Variants in VIPAS39 observed in about 807,000 individuals in gnomAD.
VIPAS39 encodes the protein spermatogenesis-defective protein 39 homolog.
A neutral mutation model predicts 84.7 loss-of-function variants in VIPAS39; 63 were observed. The observed-to-expected ratio is 0.74, with a 90% CI of 0.61 to 0.92. The LOEUF (loss-of-function observed/expected upper bound fraction) is 0.92. VIPAS39 is among the 40% of genes least tolerant of loss of function. The pLI is 0.00. For missense variants in VIPAS39, 499 were observed against 604.5 expected (o/e 0.83, Z 1.83); for synonymous variants, 192 against 216.5 (o/e 0.89, Z 0.99).
intron 16 of VIPAS39, among the ~76,000 whole-genome samples, chr14:77,432,689 T>C (rs894364685): frequency 4.6e-5 from 7 of 152,126 alleles, no homozygotes; most frequent in Non-Finnish European, 1.5e-5. Context: ...AACCTCATGA[T>C]CTCACTCATG....
In VIPAS39 at chr14:77,457,457, G is replaced by A. The variant is rs145506107; in HGVS notation, c.-1+38C>T. 3.4e-6 allele frequency: 5 copies of A among 1,490,094 alleles called. No individual in the cohort carries two copies. In the Admixed American group the frequency reaches 7.9e-5, roughly 23 times the overall value. The allele number at this position is 1,490,094 out of a possible 1,614,324, so 92.3% of individuals were successfully genotyped here. A position where few individuals can be genotyped will look rare whatever the true frequency, so the allele number is the denominator to read the frequency against. On this transcript the variant is annotated intron_variant, in intron 1 of 19. Transcript: ENST00000557658. ...TCAAGATGCGGAGAGGCTGGATCCA[G>A]CCAGATACGCGACCCAAGGGGCTTG...
chr14:77,454,311 A>G (rs1335825036), intron 1 of VIPAS39, among the ~76,000 whole-genome samples: 1 of 152,164 alleles, frequency 6.6e-6, no homozygotes, highest in Non-Finnish European at 1.5e-5. Context: ...AATTACCCAT[A>G]AGTAGTCATC....
intron 11 of VIPAS39, chr14:77,440,629 A>C (rs2078686862): frequency 1.2e-5 from 2 of 167,296 alleles, no homozygotes; most frequent in African/African-American, 4.7e-5. Context: ...TTAAGTTTTC[A>C]GGTTTTCCAG....
chr14:77,443,575 CCT>C (rs933623002), intron 8 of VIPAS39, among the ~76,000 whole-genome samples: 1 of 151,876 alleles, frequency 6.6e-6, no homozygotes, highest in Non-Finnish European at 1.5e-5. Context: ...ATAGCAAGAC[CCT>C]GTCTCTACAA....
chr14:77,435,759 C>T lies in VIPAS39; in HGVS notation c.912+85G>A, dbSNP rs188584548. The T allele has an allele frequency of 1.5e-4, 207 of 1,423,602 alleles. 1 individual carries two copies. In the African/African-American group the frequency reaches 1.9e-3, roughly 13 times the overall value. 88.2% of individuals were successfully genotyped at this position (1,423,602 alleles called of 1,614,324 possible). On this transcript the variant is annotated intron_variant, in intron 13 of 19. Coordinates refer to ENST00000557658, the MANE Select transcript of VIPAS39 (RefSeq NM_001193315.2). ...TTAGAAACCAGTAAGAAATGACCCA[C>T]GTGCAGAGCATAGAAATCTCCTAGA...
intron 2 of VIPAS39, among the ~76,000 whole-genome samples, chr14:77,453,797 G>A (rs1390669267): frequency 6.6e-6 from 1 of 151,904 alleles, no homozygotes; most frequent in African/African-American, 2.4e-5. Context: ...AAAAGACTTG[G>A]GGTTCTTCAA....
At chr14:77,429,551 C>CT (rs1338051535) in intron 17 of VIPAS39, 130 bp downstream of exon 17, 1 of 942,762 alleles carries the variant, frequency 1.1e-6, no homozygotes, top group Non-Finnish European at 1.7e-6. Context: ...GTCTTGAGGC[C>CT]TATTGCAGCC....
intron 14 of VIPAS39, among the ~76,000 whole-genome samples, chr14:77,434,736 C>CA (rs796461189): frequency 0.012 from 1,653 of 139,084 alleles, 22 homozygotes; most frequent in South Asian, 0.04. Flanking sequence ...ACTAAAAATA[C>CA]AAAAAAAAAA....
At chr14:77,429,847 G>A in intron 16 of VIPAS39, 80 bp from the exon 17 acceptor site, 2 of 1,284,148 alleles carry the variant, frequency 1.6e-6, no homozygotes, top group East Asian at 4.6e-5. Flanking sequence ...TTTACGATCA[G>A]ACCAGAATAA....
intron 14 of VIPAS39, among the ~76,000 whole-genome samples, 161 bp from the exon 15 acceptor site, chr14:77,434,464 G>A (rs1452770336): frequency 6.6e-6 from 1 of 152,198 alleles, no homozygotes; most frequent in African/African-American, 2.4e-5. Flanking sequence ...GGAATAGTCA[G>A]ATACCACTAT....
At chr14:77,436,984 T>C (rs2139785127) in intron 12 of VIPAS39, among the ~76,000 whole-genome samples, 1 of 152,360 alleles carries the variant, frequency 6.6e-6, no homozygotes, top group African/African-American at 2.4e-5. Flanking sequence ...AGAGAGATGC[T>C]ATAAATTCTA....
At position 77,449,758 on chromosome 14, in the gene VIPAS39, G is replaced by A; in HGVS notation, c.344-6C>T. ...ACTTCCAGGTCTAGTTCTACCTAAA[G>A]GTAAAGAACACAAGAGGGAAAAGGT... is the stretch of plus-strand genomic sequence containing the variant. On this transcript the variant is annotated splice_region_variant and splice_polypyrimidine_tract_variant and intron_variant, in intron 4 of 19. Transcript: ENST00000557658. The A allele has an allele frequency of 6.2e-7, 1 of 1,614,014 alleles. No homozygotes were observed. The highest frequency in any genetic ancestry group is 2.2e-5 in the East Asian group (1 of 44,870).
chr14:77,444,798 G>C (rs2078760846), intron 7 of VIPAS39, among the ~76,000 whole-genome samples: 1 of 151,908 alleles, frequency 6.6e-6, no homozygotes. Flanking sequence ...TAGCCAGGAT[G>C]GTCTCGATCT....
At position 77,427,766 on chromosome 14, in the gene VIPAS39, G is replaced by C. The variant is rs571525925; in HGVS notation, c.1462-130C>G. The C allele has an allele frequency of 5.7e-6, 7 of 1,224,720 alleles. No individual in the cohort carries two copies. In the East Asian group the frequency reaches 7.2e-5, roughly 13 times the overall value. 75.9% of individuals were successfully genotyped at this position (1,224,720 alleles called of 1,614,324 possible). ...AAAAGAAAAAGTAGAATCAGATCAG[G>C]AGGTGGGGGATGTTGAGAAATTTTT... On this transcript the variant is annotated intron_variant, in intron 19 of 19. Transcript: ENST00000557658.
chr14:77,433,734 G>T, intron 16 of VIPAS39, 108 bp downstream of exon 16: 1 of 1,148,144 alleles, frequency 8.7e-7, no homozygotes, highest in Non-Finnish European at 1.3e-6. Context: ...TTGAAATTTT[G>T]GAAAATAAAA....
chr14:77,442,671 C>T lies in VIPAS39; in HGVS notation c.632-9G>A, dbSNP rs370850533. 13 of 1,613,442 alleles carry T rather than the reference C, an allele frequency of 8.1e-6. No homozygotes were observed. In the African/African-American group the frequency reaches 1.5e-4, roughly 18 times the overall value. ...CTCTCGGAAGAGGATCTCTGTCAGA[C>T]AGTCAGGAGTTAAGTTGAGAAAGAT... On this transcript the variant is annotated splice_polypyrimidine_tract_variant and intron_variant, in intron 9 of 19. Coordinates refer to ENST00000557658, the MANE Select transcript of VIPAS39 (RefSeq NM_001193315.2).
In VIPAS39 at chr14:77,451,943, T is replaced by C. The variant is rs117886143; in HGVS notation, c.197-610A>G. Among the ~76,000 whole-genome samples, 1,061 of 152,328 alleles carry C rather than the reference T, an allele frequency of 7.0e-3. 19 individuals carry two copies. The highest frequency in any genetic ancestry group is 0.037 in the South Asian group (177 of 4,824). On this transcript the variant is annotated intron_variant, in intron 3 of 19. Coordinates refer to ENST00000557658, the MANE Select transcript of VIPAS39 (RefSeq NM_001193315.2). Reference sequence around the variant, plus strand: ...GGTCAATTTGGCAATATCTACCCAATACAGATGCAAACATCCTATGTGAGT... The same window carrying C: ...GGTCAATTTGGCAATATCTACCCAACACAGATGCAAACATCCTATGTGAGT...
At position 77,437,816 on chromosome 14, in the gene VIPAS39, G is replaced by A. The variant is rs751519817; in HGVS notation, c.828C>T (p.Thr276=). 7.4e-6 allele frequency: 12 copies of A among 1,613,902 alleles called. No individual in the cohort carries two copies. Among genetic ancestry groups the A allele is most frequent in the Non-Finnish European group, 1.0e-5 (12 of 1,179,904 alleles). ...DPDKRKEFLK[T]CVGLPFSAED... is the part of the protein sequence containing the mutation. ...TTTTCCCCCATACTTACCCAACACA[G>A]GTTTTAAGAAATTCTTTTCGTTTGT... is the stretch of plus-strand genomic sequence containing the variant. The change falls in exon 12 of 20, where the codon ACC becomes ACT. Residue 276 remains threonine, a synonymous_variant. Transcript: ENST00000557658.
At chr14:77,454,421 T>A (rs555178373) in intron 1 of VIPAS39, among the ~76,000 whole-genome samples, 1 of 152,164 alleles carries the variant, frequency 6.6e-6, no homozygotes, top group Non-Finnish European at 1.5e-5. Flanking sequence ...AGGCCTTTAA[T>A]CCCAGCACTT....
Sources: gnomAD v4.1 joint callset for allele counts (sites outside exome capture counted in the v4.1 genomes callset) on GRCh38, gnomAD v4.1.1 for gene constraint, MANE v1.5 for transcripts, NCBI Gene and HGNC (gene_info 2026-07-23, HGNC 2026-07-21) for gene names.